OR9Q1: variants seen among roughly 807,000 people sequenced by gnomAD.
OR9Q1 encodes the protein olfactory receptor family 9 subfamily Q member 1.
For missense variants in OR9Q1, 374 were observed against 378.8 expected, an observed-to-expected ratio of 0.99 and a Z score of 0.11; for synonymous variants, 153 against 148.6, an observed-to-expected ratio of 1.03 and a Z score of -0.22.
intron 2 of OR9Q1, among the ~76,000 whole-genome samples, chr11:58,104,208 T>C (rs1038327192): frequency 2.0e-5 from 3 of 152,018 alleles, no homozygotes; most frequent in South Asian, 2.1e-4. Flanking sequence ...AAAACTAAAA[T>C]ATATGAAGCT....
intron 2 of OR9Q1, among the ~76,000 whole-genome samples, chr11:58,098,028 T>G (rs1047817423): frequency 1.3e-5 from 2 of 152,196 alleles, no homozygotes; most frequent in African/African-American, 4.8e-5. Context: ...TTGATTACGG[T>G]AATTGTGTAT....
chr11:58,086,444 T>C (rs1024005506), intron 2 of OR9Q1, among the ~76,000 whole-genome samples: 1 of 151,808 alleles, frequency 6.6e-6, no homozygotes, highest in Non-Finnish European at 1.5e-5. Flanking sequence ...GAAAACAGTA[T>C]CAGAAGTTTC....
chr11:58,149,199 A>T (rs1265632053), intron 2 of OR9Q1, among the ~76,000 whole-genome samples: 2 of 152,196 alleles, frequency 1.3e-5, no homozygotes, highest in African/African-American at 4.8e-5. Flanking sequence ...TGAAAAAAGC[A>T]TTGTAAAAAT....
intron 1 of OR9Q1, among the ~76,000 whole-genome samples, chr11:58,038,294 C>T (rs1277587502): frequency 2.6e-5 from 4 of 152,146 alleles, no homozygotes; most frequent in Admixed American, 1.3e-4. Flanking sequence ...TTTAAAGCCA[C>T]TACTAATGGC....
intron 1 of OR9Q1, among the ~76,000 whole-genome samples, chr11:58,037,032 CA>C (rs1423445217): frequency 3.3e-5 from 5 of 152,082 alleles, no homozygotes; most frequent in African/African-American, 1.2e-4. Flanking sequence ...AAATTTTTCA[CA>C]AAAAGAAGAG....
At chr11:58,157,806 A>G (rs758299800) in intron 2 of OR9Q1, among the ~76,000 whole-genome samples, 5 of 152,192 alleles carry the variant, frequency 3.3e-5, no homozygotes, top group Non-Finnish European at 7.3e-5. Context: ...TGAGAACTTC[A>G]TTTCCTGAAA....
intron 2 of OR9Q1, among the ~76,000 whole-genome samples, chr11:58,141,488 TG>T (rs1469835029): frequency 3.3e-5 from 5 of 152,222 alleles, no homozygotes; most frequent in African/African-American, 1.2e-4. Flanking sequence ...ATATGGTTTT[TG>T]TCATTGGTTC....
chr11:58,047,221 C>G (rs1014639482), intron 1 of OR9Q1: 1 of 151,928 alleles, frequency 6.6e-6, no homozygotes, highest in African/African-American at 2.4e-5. Context: ...CCTTTTTGAC[C>G]CAGTATCCTA....
intron 1 of OR9Q1, among the ~76,000 whole-genome samples, chr11:58,048,694 A>ATTTT (rs1554965252): frequency 6.1e-4 from 89 of 145,920 alleles, no homozygotes; most frequent in Non-Finnish European, 1.2e-3. Context: ...ATATATATAT[A>ATTTT]TTTTTTAGCA....
intron 2 of OR9Q1, among the ~76,000 whole-genome samples, chr11:58,156,275 C>T (rs1474532332): frequency 6.6e-6 from 1 of 151,970 alleles, no homozygotes; most frequent in African/African-American, 2.4e-5. Flanking sequence ...CCTAGAAATT[C>T]AACAAAATAA....
intron 2 of OR9Q1, among the ~76,000 whole-genome samples, chr11:58,110,293 C>T (rs554899851): frequency 1.2e-3 from 187 of 152,272 alleles, no homozygotes; most frequent in African/African-American, 4.2e-3. Flanking sequence ...GTAATGCCCA[C>T]TTTTATATAG....
intron 2 of OR9Q1, chr11:58,117,429 A>C (rs940711505): frequency 2.0e-5 from 3 of 152,218 alleles, no homozygotes; most frequent in Non-Finnish European, 4.4e-5. Context: ...TTTACATTAA[A>C]CTATGTTTTT....
intron 2 of OR9Q1, among the ~76,000 whole-genome samples, chr11:58,154,486 T>C (rs560079313): frequency 1.3e-5 from 2 of 152,112 alleles, no homozygotes; most frequent in South Asian, 4.2e-4. Context: ...TTATAACTAT[T>C]ATTGGAGAGG....
At chr11:58,089,304 T>A (rs1033276757) in intron 2 of OR9Q1, among the ~76,000 whole-genome samples, 1 of 151,932 alleles carries the variant, frequency 6.6e-6, no homozygotes, top group African/African-American at 2.4e-5. Context: ...CTTTAATCTA[T>A]CTTGAGTTAA....
chr11:58,154,546 G>C (rs1395286132), intron 2 of OR9Q1, among the ~76,000 whole-genome samples: 1 of 152,010 alleles, frequency 6.6e-6, no homozygotes, highest in Non-Finnish European at 1.5e-5. Context: ...TAGTACAGTG[G>C]GGTGACTATA....
Position 58,180,220 on chromosome 11 carries a change from T to A in OR9Q1, c.776T>A (p.Leu259Ter), listed in dbSNP as rs777514944. Residue 259 changes from leucine to a stop codon, truncating the protein, a stop_gained, in exon 3 of 3, where the codon TTG becomes TAG. Coordinates refer to ENST00000335397, the MANE Select transcript of OR9Q1 (RefSeq NM_001005212.4). LOFTEE classifies it low-confidence loss of function (END_TRUNC). ...TTTGGTACCCTCATCTTCATGTACT[T>A]GAGAGGTAACTCAGATCAGTCTTCG... ...LFFGTLIFMY[L>*]RGNSDQSSEK... 6.2e-7 allele frequency: 1 copy of A among 1,614,122 alleles called. No individual in the cohort carries two copies. The highest frequency in any genetic ancestry group is 1.1e-5 in the South Asian group (1 of 91,076).
intron 2 of OR9Q1, chr11:58,072,940 G>C (rs1275477131): frequency 6.0e-6 from 1 of 167,558 alleles, no homozygotes; most frequent in Non-Finnish European, 1.4e-5. Context: ...AAATGTATTA[G>C]AGAAAGTATT....
At chr11:58,179,372 A>G in intron 2 of OR9Q1, 59 bp from the exon 3 acceptor site, 1 of 1,053,878 alleles carries the variant, frequency 9.5e-7, no homozygotes, top group Non-Finnish European at 1.4e-6. Context: ...TGTGAACTAC[A>G]AATACAGGTA....
intron 1 of OR9Q1, among the ~76,000 whole-genome samples, chr11:58,039,525 G>T (rs555487468): frequency 6.6e-6 from 1 of 152,334 alleles, no homozygotes; most frequent in African/African-American, 2.4e-5. Context: ...CATTTAATCA[G>T]TTGATGCCCA....
Sources: allele counts gnomAD v4.1 joint callset (sites outside exome capture counted in the v4.1 genomes callset), GRCh38; gene constraint gnomAD v4.1.1; transcripts MANE v1.5; gene names NCBI Gene and HGNC (gene_info 2026-07-23, HGNC 2026-07-21).